MEIS2: variants seen among roughly 807,000 people sequenced by gnomAD.
MEIS2 encodes the protein homeobox protein Meis2.
Under a neutral mutation model 58.6 loss-of-function variants are expected in MEIS2, and 9 were observed. That is an observed-to-expected ratio of 0.15 (90% CI 0.09 to 0.27). The LOEUF (loss-of-function observed/expected upper bound fraction) is 0.27. MEIS2 is among the 10% of genes least tolerant of loss of function. The pLI is 1.00. For missense variants in MEIS2, 427 were observed against 635.0 expected, an observed-to-expected ratio of 0.67 and a Z score of 3.52; for synonymous variants, 221 against 228.4, an observed-to-expected ratio of 0.97 and a Z score of 0.29.
intron 8 of MEIS2, among the ~76,000 whole-genome samples, chr15:36,972,251 G>A (rs2059595390): frequency 6.6e-6 from 1 of 152,130 alleles, no homozygotes; most frequent in African/African-American, 2.4e-5. Context: ...GAGATAAAGT[G>A]TAACTAAAAG....
At chr15:37,017,082 G>C (rs925460390) in intron 8 of MEIS2, among the ~76,000 whole-genome samples, 3 of 151,964 alleles carry the variant, frequency 2.0e-5, no homozygotes, top group African/African-American at 7.3e-5. Context: ...AGTTTTATTA[G>C]GGCAAAAAAG....
intron 7 of MEIS2, among the ~76,000 whole-genome samples, chr15:37,073,297 C>T (rs1030650887): frequency 2.0e-5 from 3 of 152,000 alleles, no homozygotes; most frequent in Non-Finnish European, 2.9e-5. Context: ...CCACCTGCTT[C>T]CAAAACTGCC....
At chr15:36,970,707 G>A (rs1259299533) in intron 8 of MEIS2, among the ~76,000 whole-genome samples, 1 of 152,130 alleles carries the variant, frequency 6.6e-6, no homozygotes, top group Non-Finnish European at 1.5e-5. Flanking sequence ...GCTGTAACCA[G>A]TTGGCAAGTT....
At chr15:36,894,674 T>C in intron 11 of MEIS2, 2 of 1,448,680 alleles carry the variant, frequency 1.4e-6, no homozygotes, top group Non-Finnish European at 1.9e-6. Flanking sequence ...AAATAAAGTC[T>C]CTGAAGTGAT....
At chr15:36,997,545 G>A (rs573408637) in intron 8 of MEIS2, among the ~76,000 whole-genome samples, 5 of 149,048 alleles carry the variant, frequency 3.4e-5, no homozygotes, top group African/African-American at 4.9e-5. Context: ...GGACTGCATT[G>A]GCGCGATCTC....
At chr15:37,095,649 C>A (rs779989255) in intron 3 of MEIS2, 35 bp from the exon 4 acceptor site, 7 of 1,614,070 alleles carry the variant, frequency 4.3e-6, no homozygotes, top group South Asian at 2.2e-5. Flanking sequence ...GAACGATCAC[C>A]CCATTTAAAA....
intron 8 of MEIS2, among the ~76,000 whole-genome samples, chr15:36,979,757 C>CAT (rs1373959573): frequency 6.8e-6 from 1 of 146,200 alleles, no homozygotes; most frequent in Non-Finnish European, 1.5e-5. Flanking sequence ...ATATATATAA[C>CAT]ATATATATAT....
At chr15:36,902,769 A>G (rs116986763) in intron 9 of MEIS2, among the ~76,000 whole-genome samples, 2,204 of 152,332 alleles carry the variant, frequency 0.014, 29 homozygotes, top group East Asian at 0.084. Context: ...AGATCTAAAC[A>G]GCCTTTTACT....
chr15:37,023,911 CTTT>C (rs35244111), intron 8 of MEIS2, among the ~76,000 whole-genome samples: 31,548 of 101,490 alleles, frequency 0.31, 4,284 homozygotes, highest in Non-Finnish European at 0.39. Flanking sequence ...TTTTCTCTCT[CTTT>C]TTTTTTTTTT....
At position 37,099,569 on chromosome 15, in the gene MEIS2, C is replaced by T; in HGVS notation, c.-103G>A. ...AAGATTCCTTTTTTTTTTTTCCAAA[C>T]CAAAGAGACTTCTCCCAATTCTCCA... is the stretch of plus-strand genomic sequence containing the variant. On this transcript the variant is annotated 5_prime_UTR_variant, in exon 1 of 12. Transcript: ENST00000561208. The T allele has an allele frequency of 1.3e-6, 2 of 1,516,710 alleles. No individual in the cohort carries two copies. Among genetic ancestry groups the T allele is most frequent in the Non-Finnish European group, 1.8e-6 (2 of 1,114,982 alleles). 94.0% of individuals were successfully genotyped at this position (1,516,710 alleles called of 1,614,324 possible).
intron 6 of MEIS2, among the ~76,000 whole-genome samples, chr15:37,091,607 C>A (rs1019105035): frequency 2.6e-5 from 4 of 152,138 alleles, no homozygotes; most frequent in Non-Finnish European, 5.9e-5. Flanking sequence ...AAAGCACTAT[C>A]CTCTTAGGTA....
chr15:37,038,867 G>T, intron 7 of MEIS2, among the ~76,000 whole-genome samples: 1 of 152,148 alleles, frequency 6.6e-6, no homozygotes, highest in East Asian at 1.9e-4. Context: ...GCAGGGACAC[G>T]TGCACACGCT....
intron 9 of MEIS2, among the ~76,000 whole-genome samples, chr15:36,938,311 T>G (rs2141353233): frequency 6.6e-6 from 1 of 152,284 alleles, no homozygotes; most frequent in African/African-American, 2.4e-5. Flanking sequence ...TATTCTGACC[T>G]CTTTCCCTAC....
chr15:36,895,990 G>A (rs1021457334), intron 10 of MEIS2, among the ~76,000 whole-genome samples: 1 of 152,180 alleles, frequency 6.6e-6, no homozygotes, highest in African/African-American at 2.4e-5. Flanking sequence ...AGTAAACTGA[G>A]GAAATGTCTG....
intron 8 of MEIS2, among the ~76,000 whole-genome samples, chr15:37,006,633 A>T (rs1044154054): frequency 1.3e-5 from 2 of 152,146 alleles, no homozygotes; most frequent in East Asian, 3.9e-4. Flanking sequence ...TGCCAATGAA[A>T]TTTTTTCCTC....
At chr15:37,060,324 T>C (rs903510502) in intron 7 of MEIS2, among the ~76,000 whole-genome samples, 1 of 152,198 alleles carries the variant, frequency 6.6e-6, no homozygotes, top group Non-Finnish European at 1.5e-5. Flanking sequence ...AAAATACATA[T>C]TCTTAAGAAA....
chr15:37,084,276 AG>A (rs1342997294), intron 6 of MEIS2, among the ~76,000 whole-genome samples: 1 of 152,212 alleles, frequency 6.6e-6, no homozygotes, highest in Non-Finnish European at 1.5e-5. Context: ...ACTAAGAAAT[AG>A]GTCCCGATGC....
chr15:36,933,234 A>G (rs1371988527), intron 9 of MEIS2, among the ~76,000 whole-genome samples: 2 of 152,170 alleles, frequency 1.3e-5, no homozygotes, highest in Non-Finnish European at 2.9e-5. Flanking sequence ...TAGGAACACT[A>G]TCTCAGCATC....
chr15:36,982,340 A>G (rs1258279138), intron 8 of MEIS2, among the ~76,000 whole-genome samples: 2 of 152,116 alleles, frequency 1.3e-5, no homozygotes, highest in Non-Finnish European at 2.9e-5. Context: ...GCAATCACTA[A>G]TCTACCCTCT....
Sources: gnomAD v4.1 joint callset for allele counts (sites outside exome capture counted in the v4.1 genomes callset) on GRCh38, gnomAD v4.1.1 for gene constraint, MANE v1.5 for transcripts, NCBI Gene and HGNC (gene_info 2026-07-23, HGNC 2026-07-21) for gene names.